Variants in FTO observed in about 807,000 individuals in gnomAD.
FTO encodes the protein alpha-ketoglutarate-dependent dioxygenase FTO.
A neutral mutation model predicts 63.9 loss-of-function variants in FTO; 47 were observed. That is an observed-to-expected ratio of 0.74 (90% CI 0.58 to 0.94). FTO has a LOEUF of 0.94. Among genes scored for constraint, FTO ranks in the 40% least tolerant of loss-of-function variants. FTO has a pLI of 0.00. For synonymous variants in FTO, 207 were observed against 224.4 expected (o/e 0.92, Z 0.69); for missense variants, 562 against 618.1 (o/e 0.91, Z 0.96).
chr16:54,106,299 A>G (rs537258808), intron 8 of FTO, among the ~76,000 whole-genome samples: 4 of 152,060 alleles, frequency 2.6e-5, no homozygotes, highest in African/African-American at 9.6e-5. Flanking sequence ...CAGCCAGCCA[A>G]TGTGACACCT....
intron 8 of FTO, among the ~76,000 whole-genome samples, chr16:53,968,543 G>C (rs1262865631): frequency 6.6e-6 from 1 of 152,162 alleles, no homozygotes; most frequent in African/African-American, 2.4e-5. Context: ...TGTGGCTGTG[G>C]GCTGGCTCTA....
At chr16:53,986,524 G>A (rs950733925) in intron 8 of FTO, among the ~76,000 whole-genome samples, 9 of 152,198 alleles carry the variant, frequency 5.9e-5, no homozygotes, top group Non-Finnish European at 8.8e-5. Flanking sequence ...TTACTGGCAT[G>A]TAATGCTGTC....
chr16:53,778,915 C>T (rs1040581333), intron 1 of FTO, among the ~76,000 whole-genome samples: 3 of 149,570 alleles, frequency 2.0e-5, no homozygotes, highest in Non-Finnish European at 4.4e-5. Flanking sequence ...ATGACAAGTG[C>T]CGCAGAGATC....
rs1555489016 is a variant in FTO, at chr16:53,883,646, A to AAAAAAC, written c.1119+3662_1119+3663insAACAAA. ...TCAAAAAAAAAAAAACAAAAAAAAAAAAACAAATTTGTCTGCTTCAGAAAG... is the reference window on the plus strand; with the variant it reads ...TCAAAAAAAAAAAAACAAAAAAAAAAAAAAACAAACAAATTTGTCTGCTTCAGAAAG... On this transcript the variant is annotated intron_variant, in intron 6 of 8. Coordinates refer to ENST00000471389, the MANE Select transcript of FTO (RefSeq NM_001080432.3). Among the ~76,000 whole-genome samples, 130 of 135,748 alleles carry AAAAAAC rather than the reference A, an allele frequency of 9.6e-4. 1 individual carries two copies. The highest frequency in any genetic ancestry group is 2.7e-3 in the African/African-American group (89 of 33,340). 89.1% of individuals were successfully genotyped at this position (135,748 alleles called of 152,430 possible).
intron 2 of FTO, among the ~76,000 whole-genome samples, chr16:53,811,134 A>G (rs2151738234): frequency 6.6e-6 from 1 of 152,304 alleles, no homozygotes; most frequent in Middle Eastern, 3.4e-3. Context: ...TTGGAGTGAG[A>G]GTACTCCCAC....
chr16:53,907,269 C>T (rs1171616601), intron 7 of FTO, among the ~76,000 whole-genome samples: 1 of 152,174 alleles, frequency 6.6e-6, no homozygotes, highest in Non-Finnish European at 1.5e-5. Flanking sequence ...TAAACATGCT[C>T]AGAACGCATT....
intron 7 of FTO, among the ~76,000 whole-genome samples, chr16:53,906,487 G>C (rs1469183303): frequency 6.6e-6 from 1 of 152,150 alleles, no homozygotes; most frequent in Non-Finnish European, 1.5e-5. Context: ...GGGGGACTCG[G>C]GAGGGAAACA....
intron 4 of FTO, among the ~76,000 whole-genome samples, chr16:53,851,921 T>C (rs2079809852): frequency 6.6e-6 from 1 of 152,094 alleles, no homozygotes; most frequent in African/African-American, 2.4e-5. Context: ...TTGCGTTTTA[T>C]TCTTTGATTA....
rs1250772729 is a variant in FTO at position 54,073,232 on chromosome 16, C to A, written c.1365-38530C>A. On this transcript the variant is annotated intron_variant, in intron 8 of 8. Transcript: ENST00000471389. ...ATGGCCTTCTCAAGGGATGGGACAC[C>A]TTTCTTCCCAAATGGAATCCAACAG... Among the ~76,000 whole-genome samples the A allele has an allele frequency of 2.6e-5, 4 of 152,144 alleles. No homozygotes were observed. In the East Asian group the frequency reaches 7.7e-4, roughly 29 times the overall value.
intron 8 of FTO, among the ~76,000 whole-genome samples, chr16:54,028,396 C>A (rs1218139852): frequency 1.3e-5 from 2 of 152,164 alleles, no homozygotes; most frequent in Admixed American, 6.5e-5. Flanking sequence ...CTCTCATGAA[C>A]CTGCCCATGT....
intron 1 of FTO, among the ~76,000 whole-genome samples, chr16:53,773,744 T>C (rs750197654): frequency 2.6e-5 from 4 of 152,154 alleles, no homozygotes; most frequent in Non-Finnish European, 4.4e-5. Context: ...CAGACCAGAA[T>C]TGTGTGTAAC....
chr16:54,042,139 G>A (rs1035120720), intron 8 of FTO, among the ~76,000 whole-genome samples: 1 of 151,942 alleles, frequency 6.6e-6, no homozygotes, highest in African/African-American at 2.4e-5. Flanking sequence ...CCGGTCTACA[G>A]CTCCCAGCGT....
At chr16:54,109,901 T>C (rs541162572) in intron 8 of FTO, among the ~76,000 whole-genome samples, 3 of 152,312 alleles carry the variant, frequency 2.0e-5, no homozygotes, top group East Asian at 3.9e-4. Flanking sequence ...GCCAGGATAA[T>C]GTGTGCACGG....
chr16:53,754,021 G>A (rs887890570), intron 1 of FTO, among the ~76,000 whole-genome samples: 1 of 152,220 alleles, frequency 6.6e-6, no homozygotes, highest in African/African-American at 2.4e-5. Flanking sequence ...TATCGTTAGA[G>A]AACGGGGTTT....
rs1000476631 is a variant in FTO, at chr16:53,999,322, G to A, written c.1364+65213G>A. Among the ~76,000 whole-genome samples the A allele has an allele frequency of 4.6e-5, 7 of 152,172 alleles. 1 individual carries two copies. The highest frequency in any genetic ancestry group is 3.3e-4 in the Admixed American group (5 of 15,282). ...CCAACACTGAGTCAAAAGGAGATCC[G>A]TAGAGGGGATTTCTCTCTTCCGGAA... On this transcript the variant is annotated intron_variant, in intron 8 of 8. Coordinates refer to ENST00000471389, the MANE Select transcript of FTO (RefSeq NM_001080432.3).
rs533788010 is a variant in FTO at position 54,083,985 on chromosome 16, A to G, written c.1365-27777A>G. On this transcript the variant is annotated intron_variant, in intron 8 of 8. Coordinates refer to ENST00000471389, the MANE Select transcript of FTO (RefSeq NM_001080432.3). The stretch of plus-strand genomic sequence containing the variant: ...TGAAATCCGAAATGCTCCAAAATCC[A>G]AAACTTTTTGAGCACCAGCATGATG... 3.8e-4 allele frequency among the ~76,000 whole-genome samples: 58 copies of G among 152,322 alleles called. No homozygotes were observed. In the South Asian group the frequency reaches 3.9e-3, roughly 10 times the overall value.
intron 8 of FTO, among the ~76,000 whole-genome samples, chr16:54,003,263 A>G (rs1488939703): frequency 6.6e-6 from 1 of 152,246 alleles, no homozygotes; most frequent in Non-Finnish European, 1.5e-5. Context: ...GGCCTCCTCC[A>G]GGAGCTGTTG....
At chr16:54,017,888 T>A (rs1456529609) in intron 8 of FTO, among the ~76,000 whole-genome samples, 2 of 152,078 alleles carry the variant, frequency 1.3e-5, no homozygotes, top group Non-Finnish European at 2.9e-5. Context: ...TAATGCAGGG[T>A]AGAAATTTCA....
At chr16:54,061,067 G>A (rs1157459016) in intron 8 of FTO, among the ~76,000 whole-genome samples, 2 of 152,158 alleles carry the variant, frequency 1.3e-5, no homozygotes, top group Non-Finnish European at 2.9e-5. Flanking sequence ...ATTGCATTTA[G>A]TGATTCAAAA....
Sources: gnomAD v4.1 joint callset for allele counts (sites outside exome capture counted in the v4.1 genomes callset) on GRCh38, gnomAD v4.1.1 for gene constraint, MANE v1.5 for transcripts, NCBI Gene and HGNC (gene_info 2026-07-23, HGNC 2026-07-21) for gene names.